GTF3A: variants seen among roughly 807,000 people sequenced by gnomAD.
GTF3A encodes the protein general transcription factor IIIA.
GTF3A carries 40 observed loss-of-function variants against 37.6 expected under a neutral mutation model. That is an observed-to-expected ratio of 1.06 (90% CI 0.83 to 1.38). The LOEUF (loss-of-function observed/expected upper bound fraction) is 1.38, where lower values mean the gene tolerates loss of function less well. Ranked by LOEUF, GTF3A falls within the 40% of genes most tolerant of loss-of-function variation. The pLI, the probability that GTF3A is intolerant of heterozygous loss-of-function variation, is 0.00. For synonymous variants in GTF3A, 191 were observed against 166.7 expected (o/e 1.15, Z -1.12); for missense variants, 500 against 462.6 (o/e 1.08, Z -0.74).
At position 27,424,671 on chromosome 13, in the gene GTF3A, C is replaced by G. The variant is rs896234682; in HGVS notation, c.-67C>G. The G allele has an allele frequency of 9.9e-6, 12 of 1,212,802 alleles. No individual in the cohort carries two copies. The highest frequency in any genetic ancestry group is 1.3e-5 in the Non-Finnish European group (12 of 934,388). The allele number at this position is 1,212,802 out of a possible 1,614,324, so 75.1% of individuals were successfully genotyped here. On this transcript the variant is annotated 5_prime_UTR_variant, in exon 1 of 9. Transcript: ENST00000381140. ...AGCAGGGAGCCGTGGGCCGGGCGCG[C>G]CGGTTCCCGGCACGTGTCTCGGCAC... is the stretch of plus-strand genomic sequence containing the variant.
intron 6 of GTF3A, 145 bp downstream of exon 6, chr13:27,434,364 T>A: frequency 1.5e-6 from 1 of 666,742 alleles, no homozygotes; most frequent in Non-Finnish European, 2.7e-6. Context: ...ATGATGTTGT[T>A]GGAAAGGTGA....
At chr13:27,424,982 G>T (rs1593176802) in intron 1 of GTF3A, 44 bp downstream of exon 1, 2 of 1,439,628 alleles carry the variant, frequency 1.4e-6, no homozygotes, top group Non-Finnish European at 1.9e-6. Flanking sequence ...GGGATGGCGC[G>T]TGGCCCCGGG....
At chr13:27,434,596 G>A (rs1953691584) in intron 6 of GTF3A, 1 of 575,814 alleles carries the variant, frequency 1.7e-6, no homozygotes, top group East Asian at 2.9e-5. Flanking sequence ...CTTGGCAAGT[G>A]AACAATGACT....
At chr13:27,427,265 G>A in intron 2 of GTF3A, 73 bp downstream of exon 2, 3 of 753,150 alleles carry the variant, frequency 4.0e-6, no homozygotes, top group Non-Finnish European at 7.2e-6. Context: ...GAAGATTGAT[G>A]TTAACTCACG....
chr13:27,432,886 A>G, intron 5 of GTF3A, 82 bp downstream of exon 5: 2 of 1,143,002 alleles, frequency 1.7e-6, no homozygotes, highest in Non-Finnish European at 1.3e-6. Context: ...ATCACGCTGA[A>G]AAGATGGGAA....
At chr13:27,431,128 T>C (rs752246115) in intron 4 of GTF3A, among the ~76,000 whole-genome samples, 3 of 152,182 alleles carry the variant, frequency 2.0e-5, no homozygotes, top group Admixed American at 6.5e-5. Context: ...ATTTATTGAA[T>C]AGGGAGTCCT....
Position 27,434,874 on chromosome 13 carries a change from CT to C in GTF3A, c.714del (p.His239MetfsTer52). ...GATTACCTTAAGCAACACATGAAAA[CT>C]CATGCCCCAGAAAGGGATGTATGTC... On this transcript the variant is annotated frameshift_variant, in exon 7 of 9. Transcript: ENST00000381140. LOFTEE classifies it high-confidence loss of function. 1 of 1,613,408 alleles carries C rather than the reference CT, an allele frequency of 6.2e-7. No individual in the cohort carries two copies. Among genetic ancestry groups the C allele is most frequent in the Non-Finnish European group, 8.5e-7 (1 of 1,179,348 alleles).
At chr13:27,425,963 T>TCGTCTG (rs1198415751) in intron 1 of GTF3A, 1 of 152,874 alleles carries the variant, frequency 6.5e-6, no homozygotes, top group Non-Finnish European at 1.5e-5. Context: ...TTCCTCTTCC[T>TCGTCTG]CGTCTGCCCT....
At position 27,430,614 on chromosome 13, in the gene GTF3A, C is replaced by T; in HGVS notation, c.481C>T (p.Leu161=). 1.3e-6 allele frequency: 2 copies of T among 1,597,646 alleles called. No homozygotes were observed. Among genetic ancestry groups the T allele is most frequent in the East Asian group, 2.2e-5 (1 of 44,784 alleles). Residue 161 remains leucine, a synonymous_variant, in exon 4 of 9, where the codon CTA becomes TTA. Coordinates refer to ENST00000381140, the MANE Select transcript of GTF3A (RefSeq NM_002097.3). ...TCAGTGCCAGCATACCAATGAACCTCTATTCAAGTAGGTACTTCATGTGGC... is the reference window on the plus strand; with the variant it reads ...TCAGTGCCAGCATACCAATGAACCTTTATTCAAGTAGGTACTTCATGTGGC...
chr13:27,425,012 C>T, intron 1 of GTF3A, 74 bp downstream of exon 1: 1 of 1,143,144 alleles, frequency 8.7e-7, no homozygotes, highest in East Asian at 2.9e-5. Flanking sequence ...GCAGTCGTGG[C>T]CAGGGCCGCA....
At chr13:27,435,111 A>ATAAC (rs1307531773) in intron 7 of GTF3A, 22 bp from the exon 8 acceptor site, 3 of 1,598,184 alleles carry the variant, frequency 1.9e-6, no homozygotes, top group Non-Finnish European at 2.6e-6. Flanking sequence ...TATTTCATTA[A>ATAAC]TAACTTTCTC....
Position 27,435,042 on chromosome 13 carries a change from C to T in GTF3A, c.873+8C>T, listed in dbSNP as rs777503224. ...AAAACATTTGCAATGAAAGTAAGCA[C>T]TCACCCTCATACTCATGGTCCTATA... is the stretch of plus-strand genomic sequence containing the variant. On this transcript the variant is annotated splice_region_variant and intron_variant, in intron 7 of 8. Transcript: ENST00000381140. 3.9e-6 allele frequency: 6 copies of T among 1,557,384 alleles called. No individual in the cohort carries two copies. The South Asian group carries it at 4.4e-5, about 12-fold the overall frequency.
intron 8 of GTF3A, 69 bp downstream of exon 8, chr13:27,435,261 T>G: frequency 7.3e-7 from 1 of 1,375,014 alleles, no homozygotes; most frequent in Non-Finnish European, 1.0e-6. Flanking sequence ...AGGAGTCTGT[T>G]TGGAATTCTT....
intron 2 of GTF3A, among the ~76,000 whole-genome samples, chr13:27,428,321 C>A (rs1403678780): frequency 6.6e-6 from 1 of 152,102 alleles, no homozygotes; most frequent in Non-Finnish European, 1.5e-5. Context: ...GTAACTGACC[C>A]ATCAGATCCA....
rs1208807159 is a variant in GTF3A at position 27,434,872 on chromosome 13, A to G, written c.711A>G (p.Lys237=). 3 of 1,613,554 alleles carry G rather than the reference A, an allele frequency of 1.9e-6. No homozygotes were observed. Among genetic ancestry groups the G allele is most frequent in the Non-Finnish European group, 2.5e-6 (3 of 1,179,456 alleles). The change falls in exon 7 of 9, where the codon AAA becomes AAG. Residue 237 remains lysine, a synonymous_variant. Coordinates refer to ENST00000381140, the MANE Select transcript of GTF3A (RefSeq NM_002097.3). ...AAGATTACCTTAAGCAACACATGAA[A>G]ACTCATGCCCCAGAAAGGGATGTAT... is the stretch of plus-strand genomic sequence containing the variant.
chr13:27,424,935 G>A lies in GTF3A; in HGVS notation c.198G>A (p.Gly66=), dbSNP rs1393117337. 3 of 1,544,260 alleles carry A rather than the reference G, an allele frequency of 1.9e-6. No homozygotes were observed. Among genetic ancestry groups the A allele is most frequent in the African/African-American group, 2.8e-5 (2 of 72,542 alleles). ...ACGCGCACCTGTGCAAGCACACGGG[G>A]GAGGTGAGGGGGGCGAGGCTGCCAA... The change falls in exon 1 of 9, where the codon GGG becomes GGA. Residue 66 remains glycine (G), a synonymous_variant. Coordinates refer to ENST00000381140, the MANE Select transcript of GTF3A (RefSeq NM_002097.3).
chr13:27,427,055 G>C (rs775058466), intron 1 of GTF3A, 37 bp from the exon 2 acceptor site: 1 of 1,026,392 alleles, frequency 9.7e-7, no homozygotes, highest in East Asian at 2.4e-5. Flanking sequence ...TTACTAACTA[G>C]TGCAGAAGTG....
chr13:27,430,038 A>G, intron 3 of GTF3A, 72 bp downstream of exon 3: 1 of 805,422 alleles, frequency 1.2e-6, no homozygotes, highest in Admixed American at 3.2e-5. Context: ...TGACATTTTC[A>G]GCCAGGTGCG....
intron 5 of GTF3A, among the ~76,000 whole-genome samples, chr13:27,433,527 C>A (rs9554036): frequency 0.025 from 2,969 of 116,702 alleles, 87 homozygotes; most frequent in African/African-American, 0.085. Context: ...AAAAAAAAAA[C>A]AAAAAAAAAC....
Sources: allele counts gnomAD v4.1 joint callset (sites outside exome capture counted in the v4.1 genomes callset), GRCh38; gene constraint gnomAD v4.1.1; transcripts MANE v1.5; gene names NCBI Gene and HGNC (gene_info 2026-07-23, HGNC 2026-07-21).